NCOA2: variants seen among roughly 807,000 people sequenced by gnomAD.
The protein encoded by NCOA2 is class E basic helix-loop-helix protein 75.
Under a neutral mutation model 145.1 loss-of-function variants are expected in NCOA2, and 21 were observed. That is an observed-to-expected ratio of 0.14 (90% CI 0.10 to 0.21). NCOA2 has a LOEUF of 0.21. Among genes scored for constraint, NCOA2 ranks in the 10% least tolerant of loss-of-function variants. NCOA2 has a pLI of 1.00. For missense variants in NCOA2, 1,472 were observed against 1,837.6 expected, an observed-to-expected ratio of 0.80 and a Z score of 3.64; for synonymous variants, 619 against 637.5, an observed-to-expected ratio of 0.97 and a Z score of 0.44.
At position 70,117,231 on chromosome 8, in the gene NCOA2, T is replaced by C. The variant is rs1028316027; in HGVS notation, c.4384-3588A>G. 2.6e-5 allele frequency among the ~76,000 whole-genome samples: 4 copies of C among 152,240 alleles called. No individual in the cohort carries two copies. In the South Asian group the frequency reaches 6.2e-4, roughly 24 times the overall value. On this transcript the variant is annotated intron_variant, in intron 22 of 22. Transcript: ENST00000452400. ...CCCCTAAACCCCCAGCCGGGCACTT[T>C]CTACCTTGATTGGTCTGGGTCACCA...
chr8:70,387,519 T>C (rs915093247), intron 1 of NCOA2, among the ~76,000 whole-genome samples: 2 of 152,146 alleles, frequency 1.3e-5, no homozygotes, highest in African/African-American at 2.4e-5. Flanking sequence ...CGCTTCAACT[T>C]TCTACAAATT....
At chr8:70,372,056 T>G (rs1811275256) in intron 1 of NCOA2, among the ~76,000 whole-genome samples, 1 of 152,104 alleles carries the variant, frequency 6.6e-6, no homozygotes, top group African/African-American at 2.4e-5. Flanking sequence ...TAACCATACA[T>G]GGATTTGGGC....
chr8:70,333,114 C>T (rs978833833), intron 1 of NCOA2, among the ~76,000 whole-genome samples: 2 of 152,128 alleles, frequency 1.3e-5, no homozygotes, highest in Non-Finnish European at 2.9e-5. Context: ...CTCTTTTCAC[C>T]CTACCTTCAT....
intron 1 of NCOA2, among the ~76,000 whole-genome samples, chr8:70,345,560 T>C (rs541445754): frequency 2.8e-4 from 42 of 152,346 alleles, no homozygotes; most frequent in African/African-American, 9.9e-4. Flanking sequence ...GAATCATTCA[T>C]AATTTAGATT....
chr8:70,266,891 G>A (rs559212993), intron 2 of NCOA2, among the ~76,000 whole-genome samples: 2 of 152,288 alleles, frequency 1.3e-5, no homozygotes, highest in South Asian at 2.1e-4. Flanking sequence ...ACTACATTAT[G>A]TGCTTCTTAA....
intron 5 of NCOA2, among the ~76,000 whole-genome samples, chr8:70,171,731 T>C (rs1270347236): frequency 6.6e-6 from 1 of 152,222 alleles, no homozygotes; most frequent in Non-Finnish European, 1.5e-5. Flanking sequence ...GGCACGATCA[T>C]AGCTCACTGC....
intron 2 of NCOA2, among the ~76,000 whole-genome samples, chr8:70,262,428 A>G (rs539642884): frequency 2.0e-5 from 3 of 152,320 alleles, no homozygotes; most frequent in Admixed American, 1.3e-4. Flanking sequence ...TACACACCTT[A>G]AAGTACCTTT....
At chr8:70,416,195 G>GT in the NCOA2 span, among the ~76,000 whole-genome samples, 22,008 of 135,540 alleles carry the variant, frequency 0.16, 1,688 homozygotes, top group Non-Finnish European at 0.17. Flanking sequence ...CAGTTTTTTT[G>GT]TTTTTTTTTT....
At chr8:70,292,517 C>A (rs1826772660) in intron 2 of NCOA2, among the ~76,000 whole-genome samples, 1 of 147,820 alleles carries the variant, frequency 6.8e-6, no homozygotes, top group Non-Finnish European at 1.5e-5. Context: ...TGCCACTGCA[C>A]TCCAGCCTGG....
At chr8:70,376,367 A>AC (rs1811669166) in intron 1 of NCOA2, among the ~76,000 whole-genome samples, 1 of 150,548 alleles carries the variant, frequency 6.6e-6, no homozygotes, top group Admixed American at 6.6e-5. Flanking sequence ...GTACACACAC[A>AC]CGCACACACA....
chr8:70,217,616 A>G (rs1287073382), intron 2 of NCOA2, among the ~76,000 whole-genome samples: 1 of 151,332 alleles, frequency 6.6e-6, no homozygotes, highest in Non-Finnish European at 1.5e-5. Context: ...TCCTCTCAGT[A>G]AGAAAATAAA....
At chr8:70,344,324 A>C (rs1326922408) in intron 1 of NCOA2, among the ~76,000 whole-genome samples, 1 of 152,200 alleles carries the variant, frequency 6.6e-6, no homozygotes, top group East Asian at 1.9e-4. Context: ...GCTTGAGAGA[A>C]GATAGACATG....
chr8:70,347,178 T>C (rs966668086), intron 1 of NCOA2, among the ~76,000 whole-genome samples: 3 of 152,082 alleles, frequency 2.0e-5, no homozygotes, highest in African/African-American at 7.2e-5. Context: ...CGAAACCCTG[T>C]CTTCACTAAA....
At position 70,196,205 on chromosome 8, in the gene NCOA2, G is replaced by A. The variant is rs147874220; in HGVS notation, c.259+17698C>T. 2.7e-3 allele frequency among the ~76,000 whole-genome samples: 403 copies of A among 152,036 alleles called. 2 individuals are homozygous for A. The highest frequency in any genetic ancestry group is 0.018 in the Admixed American group (272 of 15,260). On this transcript the variant is annotated intron_variant, in intron 4 of 22. Transcript: ENST00000452400. Reference sequence around the variant, plus strand: ...AGCCTGGACAACATGGTGAAACCCCGTCTCCACTAAAGATACAAAAATTAG... The same window carrying A: ...AGCCTGGACAACATGGTGAAACCCCATCTCCACTAAAGATACAAAAATTAG...
chr8:70,162,911 ATTTTTTTT>A (rs10641831), intron 8 of NCOA2, 57 bp from the exon 9 acceptor site: 5 of 921,868 alleles, frequency 5.4e-6, no homozygotes, highest in South Asian at 4.6e-5. Flanking sequence ...TATGGAAATA[ATTTTTTTT>A]TTTTTTTTTT....
chr8:70,453,092 A>T, the NCOA2 span, among the ~76,000 whole-genome samples: 1 of 152,228 alleles, frequency 6.6e-6, no homozygotes, highest in Non-Finnish European at 1.5e-5. Flanking sequence ...CCAACCTAAC[A>T]AACTTTTAAG....
the NCOA2 span, among the ~76,000 whole-genome samples, chr8:70,412,950 T>C: frequency 2.0e-5 from 3 of 151,696 alleles, no homozygotes; most frequent in Non-Finnish European, 2.9e-5. Context: ...ATATAAAAAT[T>C]AGCCAGGTGT....
intron 1 of NCOA2, among the ~76,000 whole-genome samples, chr8:70,334,304 C>T (rs1273688410): frequency 2.0e-5 from 3 of 152,320 alleles, no homozygotes; most frequent in East Asian, 1.9e-4. Flanking sequence ...CATCTGTTGG[C>T]TTGACCTTCT....
At chr8:70,262,134 C>A (rs1031193258) in intron 2 of NCOA2, among the ~76,000 whole-genome samples, 2 of 152,056 alleles carry the variant, frequency 1.3e-5, no homozygotes, top group African/African-American at 2.4e-5. Flanking sequence ...TTGAGACCAG[C>A]GAATATTTAT....
Sources: allele counts gnomAD v4.1 joint callset (sites outside exome capture counted in the v4.1 genomes callset), GRCh38; gene constraint gnomAD v4.1.1; transcripts MANE v1.5; gene names NCBI Gene and HGNC (gene_info 2026-07-23, HGNC 2026-07-21).